TMEM132D: variants seen among roughly 807,000 people sequenced by gnomAD.
TMEM132D encodes the protein transmembrane protein 132D.
TMEM132D carries 21 observed loss-of-function variants against 62.3 expected under a neutral mutation model. That is an observed-to-expected ratio of 0.34 (90% CI 0.24 to 0.49). The LOEUF is 0.49. Among genes scored for constraint, TMEM132D ranks in the 20% least tolerant of loss-of-function variants. TMEM132D has a pLI of 0.99. For missense variants in TMEM132D, 1,346 were observed against 1,402.8 expected, an observed-to-expected ratio of 0.96 and a Z score of 0.65; for synonymous variants, 621 against 575.6, an observed-to-expected ratio of 1.08 and a Z score of -1.13.
intron 2 of TMEM132D, among the ~76,000 whole-genome samples, chr12:129,634,369 G>A (rs1027548644): frequency 6.6e-6 from 1 of 151,732 alleles, no homozygotes; most frequent in African/African-American, 2.4e-5. Flanking sequence ...AGCTGCTCGG[G>A]AGGCTGAGGC....
chr12:129,325,036 T>C (rs1241745886), intron 4 of TMEM132D, among the ~76,000 whole-genome samples: 1 of 152,120 alleles, frequency 6.6e-6, no homozygotes, highest in Non-Finnish European at 1.5e-5. Context: ...TATCCCCAGT[T>C]TGCAGATGAC....
intron 3 of TMEM132D, among the ~76,000 whole-genome samples, chr12:129,472,472 A>G (rs1408906469): frequency 2.0e-5 from 3 of 152,120 alleles, no homozygotes; most frequent in Admixed American, 6.6e-5. Context: ...TAGGATAAAT[A>G]CCTAATGCAT....
At chr12:129,543,515 T>C (rs1876650428) in intron 2 of TMEM132D, among the ~76,000 whole-genome samples, 1 of 152,212 alleles carries the variant, frequency 6.6e-6, no homozygotes, top group South Asian at 2.1e-4. Context: ...CTCTACCTAG[T>C]GAACATCAGA....
At chr12:129,338,220 C>A (rs546277584) in intron 3 of TMEM132D, among the ~76,000 whole-genome samples, 278 of 152,312 alleles carry the variant, frequency 1.8e-3, no homozygotes, top group African/African-American at 6.5e-3. Flanking sequence ...AAAGCCACAG[C>A]CAGATTGAGT....
At chr12:129,633,043 T>G (rs566784553) in intron 2 of TMEM132D, among the ~76,000 whole-genome samples, 14 of 152,354 alleles carry the variant, frequency 9.2e-5, no homozygotes, top group Non-Finnish European at 1.8e-4. Flanking sequence ...TAAATGTTTT[T>G]TTCTGTATTC....
chr12:129,704,842 C>T (rs544803008), intron 1 of TMEM132D, among the ~76,000 whole-genome samples: 24 of 152,282 alleles, frequency 1.6e-4, no homozygotes, highest in African/African-American at 5.8e-4. Context: ...GAATAACATA[C>T]CTTTGAAGAG....
At chr12:129,548,566 T>C (rs1186523746) in intron 2 of TMEM132D, among the ~76,000 whole-genome samples, 1 of 152,168 alleles carries the variant, frequency 6.6e-6, no homozygotes, top group Non-Finnish European at 1.5e-5. Context: ...ACCTAGGTAA[T>C]GGCCTGTTCT....
intron 2 of TMEM132D, among the ~76,000 whole-genome samples, chr12:129,688,521 T>C (rs1225213765): frequency 1.3e-5 from 2 of 152,140 alleles, no homozygotes; most frequent in African/African-American, 4.8e-5. Flanking sequence ...GTGCTTGCAT[T>C]TGACTCTGGG....
rs117278443 is a variant in TMEM132D, at chr12:129,536,269, C to T, written c.969-5064G>A. On this transcript the variant is annotated intron_variant, in intron 2 of 8. Transcript: ENST00000422113. Reference sequence around the variant, plus strand: ...CCCACCAAAGGGTGCCACACTCCTACGCATGTAGATTTGGTGATAGCATTC... The same window carrying T: ...CCCACCAAAGGGTGCCACACTCCTATGCATGTAGATTTGGTGATAGCATTC... 9.6e-3 allele frequency among the ~76,000 whole-genome samples: 1,457 copies of T among 152,310 alleles called. 22 individuals carry two copies. Among genetic ancestry groups the T allele is most frequent in the Non-Finnish European group, 0.01 (702 of 68,032 alleles).
chr12:129,736,248 G>A (rs1379886831), intron 1 of TMEM132D, among the ~76,000 whole-genome samples: 1 of 152,158 alleles, frequency 6.6e-6, no homozygotes, highest in Non-Finnish European at 1.5e-5. Context: ...TTATAACAGT[G>A]TGATACTTCT....
intron 3 of TMEM132D, among the ~76,000 whole-genome samples, chr12:129,438,787 AT>A (rs1872860260): frequency 6.6e-6 from 1 of 152,182 alleles, no homozygotes; most frequent in African/African-American, 2.4e-5. Context: ...GTGATGAGTA[AT>A]TTTAAAAAAT....
chr12:129,167,118 T>C (rs11060176), intron 5 of TMEM132D, among the ~76,000 whole-genome samples: 62,098 of 149,122 alleles, frequency 0.42, 13,970 homozygotes, highest in East Asian at 0.58. Context: ...TGAGATCATG[T>C]CACTACACTC....
chr12:129,667,015 C>G (rs1408694769), intron 2 of TMEM132D, among the ~76,000 whole-genome samples: 1 of 150,888 alleles, frequency 6.6e-6, no homozygotes, highest in Non-Finnish European at 1.5e-5. Flanking sequence ...TAAAAAAATT[C>G]TGTGGGTATA....
intron 4 of TMEM132D, among the ~76,000 whole-genome samples, chr12:129,231,678 G>A (rs76196058): frequency 0.035 from 5,366 of 152,278 alleles, 316 homozygotes; most frequent in African/African-American, 0.12. Context: ...GCTGGTGGGA[G>A]CATGGTGTTA....
intron 4 of TMEM132D, among the ~76,000 whole-genome samples, chr12:129,233,229 T>C (rs1050548280): frequency 6.6e-6 from 1 of 152,144 alleles, no homozygotes; most frequent in African/African-American, 2.4e-5. Context: ...GGGCCCTGTG[T>C]GTCTCCAGCA....
At chr12:129,132,899 G>A (rs1876420489) in intron 5 of TMEM132D, among the ~76,000 whole-genome samples, 1 of 152,154 alleles carries the variant, frequency 6.6e-6, no homozygotes, top group Admixed American at 6.5e-5. Context: ...TTGCTGCAGA[G>A]AGGGTAGCTG....
intron 1 of TMEM132D, among the ~76,000 whole-genome samples, chr12:129,822,657 G>T (rs1872567336): frequency 6.6e-6 from 1 of 152,190 alleles, no homozygotes; most frequent in Non-Finnish European, 1.5e-5. Context: ...CGGCTGCCAA[G>T]CCTCAGGAAA....
chr12:129,163,460 C>T (rs1037300729), intron 5 of TMEM132D, among the ~76,000 whole-genome samples: 10 of 152,166 alleles, frequency 6.6e-5, no homozygotes, highest in Non-Finnish European at 1.5e-5. Flanking sequence ...ATCCTCTCTT[C>T]CCACTAGATC....
At chr12:129,391,531 G>A (rs10847856) in intron 3 of TMEM132D, among the ~76,000 whole-genome samples, 33,360 of 152,126 alleles carry the variant, frequency 0.22, 4,791 homozygotes, top group East Asian at 0.54. Flanking sequence ...GGCGGTGCCT[G>A]GACAAGCCCA....
Sources: gnomAD v4.1 joint callset for allele counts (sites outside exome capture counted in the v4.1 genomes callset) on GRCh38, gnomAD v4.1.1 for gene constraint, MANE v1.5 for transcripts, NCBI Gene and HGNC (gene_info 2026-07-23, HGNC 2026-07-21) for gene names.